MGMT: variants seen among roughly 807,000 people sequenced by gnomAD.
MGMT encodes O-6-methylguanine-DNA methyltransferase.
A neutral mutation model predicts 15.9 loss-of-function variants in MGMT; 14 were observed. The observed-to-expected ratio is 0.88, with a 90% CI of 0.58 to 1.37. The LOEUF (loss-of-function observed/expected upper bound fraction) is 1.37. Among genes scored for constraint, MGMT ranks in the 40% most tolerant of loss-of-function variants. The pLI is 0.00. For synonymous variants in MGMT, 130 were observed against 118.2 expected, an observed-to-expected ratio of 1.10 and a Z score of -0.65; for missense variants, 282 against 268.1, an observed-to-expected ratio of 1.05 and a Z score of -0.36.
intron 4 of MGMT, among the ~76,000 whole-genome samples, chr10:129,761,558 T>C (rs1848873717): frequency 6.6e-6 from 1 of 152,258 alleles, no homozygotes; most frequent in Non-Finnish European, 1.5e-5. Context: ...CGTGACTCTC[T>C]TCTCCTGCTA....
In MGMT at chr10:129,564,670, CTCCTCTCCTTCCTCCTCCTCCTCTCCT is replaced by C. The variant is rs1846331530; in HGVS notation, c.125+28299_125+28325del. On this transcript the variant is annotated intron_variant, in intron 2 of 4. Transcript: ENST00000651593. ...CCTCACCCTCCTCTCCTTCCTCCCC[CTCCTCTCCTTCCTCCTCCTCCTCTCCT>C]TCCTCCTCTTCCTCCTCCTCCTGCC... Among the ~76,000 whole-genome samples the C allele has an allele frequency of 4.6e-5, 6 of 130,220 alleles. No individual in the cohort carries two copies. In the Admixed American group the frequency reaches 4.7e-4, roughly 10 times the overall value. 85.4% of individuals were successfully genotyped at this position (130,220 alleles called of 152,430 possible).
intron 2 of MGMT, among the ~76,000 whole-genome samples, chr10:129,589,156 C>T (rs765535101): frequency 6.6e-6 from 1 of 152,240 alleles, no homozygotes; most frequent in Non-Finnish European, 1.5e-5. Context: ...GCTGAAGAAG[C>T]GGTATCCAAG....
At chr10:129,680,923 C>T (rs1847845177) in intron 2 of MGMT, among the ~76,000 whole-genome samples, 1 of 152,194 alleles carries the variant, frequency 6.6e-6, no homozygotes, top group African/African-American at 2.4e-5. Flanking sequence ...CTGAGCGACC[C>T]CATCAGTAAA....
At chr10:129,528,639 A>G (rs1413761230) in intron 1 of MGMT, among the ~76,000 whole-genome samples, 1 of 148,042 alleles carries the variant, frequency 6.8e-6, no homozygotes, top group East Asian at 2.1e-4. Flanking sequence ...TGCCGTGTGG[A>G]GACTAGCCAT....
chr10:129,525,728 T>TGGAATGC (rs1845862294), intron 1 of MGMT, among the ~76,000 whole-genome samples: 1 of 152,224 alleles, frequency 6.6e-6, no homozygotes, highest in Admixed American at 6.5e-5. Flanking sequence ...GCAGCGTTTG[T>TGGAATGC]GGAATGCGGC....
intron 2 of MGMT, among the ~76,000 whole-genome samples, chr10:129,541,997 C>T (rs1273193320): frequency 6.6e-6 from 1 of 152,200 alleles, no homozygotes; most frequent in African/African-American, 2.4e-5. Context: ...GCTGGCCTGA[C>T]CCTAGACCCT....
At chr10:129,597,226 A>G (rs1403828252) in intron 2 of MGMT, among the ~76,000 whole-genome samples, 1 of 152,144 alleles carries the variant, frequency 6.6e-6, no homozygotes, top group Non-Finnish European at 1.5e-5. Flanking sequence ...AACCTTCTTT[A>G]CAAATTGCAC....
rs190547596 is a variant in MGMT, at chr10:129,543,594, C to T, written c.125+7217C>T. The stretch of plus-strand genomic sequence containing the variant: ...CTCCCTGCAGCTGGTTCTTTGCTGA[C>T]CTGGGGGCAGAGTAGACAGTGGTGG... On this transcript the variant is annotated intron_variant, in intron 2 of 4. Transcript: ENST00000651593. 1.6e-3 allele frequency among the ~76,000 whole-genome samples: 243 copies of T among 152,198 alleles called. 1 individual carries two copies. Among genetic ancestry groups the T allele is most frequent in the African/African-American group, 5.5e-3 (229 of 41,518 alleles).
At chr10:129,569,095 A>G (rs1293026789) in intron 2 of MGMT, among the ~76,000 whole-genome samples, 1 of 151,954 alleles carries the variant, frequency 6.6e-6, no homozygotes, top group Admixed American at 6.6e-5. Context: ...CTGGGCCCAC[A>G]CTCCGGCTCG....
intron 2 of MGMT, among the ~76,000 whole-genome samples, chr10:129,577,559 G>A (rs967902248): frequency 3.3e-5 from 5 of 152,156 alleles, no homozygotes; most frequent in African/African-American, 9.7e-5. Flanking sequence ...AGACTTAAAT[G>A]TTAGACCTAA....
intron 2 of MGMT, among the ~76,000 whole-genome samples, chr10:129,643,795 A>C (rs2133091824): frequency 1.3e-5 from 2 of 152,316 alleles, no homozygotes. Context: ...GTGGCATGCT[A>C]CAAATTGAGG....
At chr10:129,552,722 G>A (rs933732641) in intron 2 of MGMT, among the ~76,000 whole-genome samples, 1 of 152,218 alleles carries the variant, frequency 6.6e-6, no homozygotes. Context: ...GAGGCTGGCC[G>A]AGGGCAGGGC....
chr10:129,485,584 T>C (rs890683586), intron 1 of MGMT, among the ~76,000 whole-genome samples: 1 of 152,244 alleles, frequency 6.6e-6, no homozygotes, highest in African/African-American at 2.4e-5. Context: ...TCAAAGGAAA[T>C]GCTTATTGGA....
chr10:129,762,588 C>T (rs865957608), intron 4 of MGMT, among the ~76,000 whole-genome samples: 7 of 152,104 alleles, frequency 4.6e-5, no homozygotes, highest in South Asian at 2.1e-4. Flanking sequence ...AAACTCCTCA[C>T]GACCCACCCC....
chr10:129,516,604 C>T (rs1845740893), intron 1 of MGMT, among the ~76,000 whole-genome samples: 1 of 152,132 alleles, frequency 6.6e-6, no homozygotes, highest in South Asian at 2.1e-4. Context: ...TAAAGAATTC[C>T]TCTTCAATGG....
At chr10:129,517,452 G>A (rs548571071) in intron 1 of MGMT, among the ~76,000 whole-genome samples, 38 of 152,320 alleles carry the variant, frequency 2.5e-4, no homozygotes, top group Non-Finnish European at 3.4e-4. Flanking sequence ...TGACTGACAC[G>A]TGCTTGGGGC....
chr10:129,596,874 A>G (rs1050040299), intron 2 of MGMT, among the ~76,000 whole-genome samples: 5 of 151,924 alleles, frequency 3.3e-5, no homozygotes, highest in Non-Finnish European at 7.4e-5. Flanking sequence ...AGAGGGAAGC[A>G]TTTTTGGAGC....
intron 1 of MGMT, among the ~76,000 whole-genome samples, chr10:129,498,063 C>A (rs754727990): frequency 5.3e-5 from 8 of 152,166 alleles, no homozygotes; most frequent in African/African-American, 7.2e-5. Flanking sequence ...TGGACCCTTT[C>A]GAAGAATACT....
chr10:129,583,204 A>G (rs1048779706), intron 2 of MGMT, among the ~76,000 whole-genome samples: 2 of 152,214 alleles, frequency 1.3e-5, no homozygotes, highest in Non-Finnish European at 2.9e-5. Flanking sequence ...TTTAACTTGT[A>G]GTAATAAGTT....
Sources: allele counts gnomAD v4.1 joint callset (sites outside exome capture counted in the v4.1 genomes callset), GRCh38; gene constraint gnomAD v4.1.1; transcripts MANE v1.5; gene names NCBI Gene and HGNC (gene_info 2026-07-23, HGNC 2026-07-21).